Variants in DNAJC16 observed in about 807,000 individuals in gnomAD.
DNAJC16 encodes the protein DnaJ heat shock protein family (Hsp40) member C16, also known as dnaJ homolog subfamily C member 16.
Under a neutral mutation model 92.7 loss-of-function variants are expected in DNAJC16, and 76 were observed. The observed-to-expected ratio is 0.82, with a 90% CI of 0.68 to 0.99. The LOEUF is 0.99. Ranked by LOEUF, DNAJC16 falls within the 50% of genes least tolerant of loss-of-function variation. The probability of loss-of-function intolerance (pLI) is 0.00; values close to 1 mark genes in which losing one functional copy is unlikely to be tolerated. For synonymous variants in DNAJC16, 328 were observed against 358.7 expected (o/e 0.91, Z 0.97); for missense variants, 869 against 942.4 (o/e 0.92, Z 1.02).
intron 11 of DNAJC16, 101 bp downstream of exon 11, chr1:15,564,460 T>C: frequency 1.2e-6 from 1 of 808,848 alleles, no homozygotes; most frequent in Non-Finnish European, 2.2e-6. Flanking sequence ...CAAGGTACAC[T>C]TGATGGGGCA....
intron 1 of DNAJC16, among the ~76,000 whole-genome samples, chr1:15,528,708 A>G (rs185457529): frequency 6.6e-6 from 1 of 152,260 alleles, no homozygotes; most frequent in East Asian, 1.9e-4. Flanking sequence ...CATTTATTTT[A>G]TTTATTCTTA....
intron 2 of DNAJC16, among the ~76,000 whole-genome samples, chr1:15,530,089 C>G (rs2103400696): frequency 6.6e-6 from 1 of 150,994 alleles, no homozygotes; most frequent in East Asian, 1.9e-4. Context: ...GATGTGAAAC[C>G]AACAGATATA....
intron 7 of DNAJC16, 135 bp from the exon 8 acceptor site, chr1:15,559,391 C>A: frequency 8.6e-7 from 1 of 1,161,792 alleles, no homozygotes; most frequent in Non-Finnish European, 1.2e-6. Context: ...TTCGCTCAAA[C>A]AGGTCTGTCT....
Position 15,534,296 on chromosome 1 carries a change from C to T in DNAJC16, c.227C>T (p.Ala76Val), listed in dbSNP as rs1419857728. ...GACAAGTTCATTCAAATCAGTAAGG[C>T]TTACGAGGTATCGTGTCCAGCTTTG... ...AEDKFIQISK[A>V]YEILSNEEKR... The change falls in exon 3 of 15, where the codon GCT becomes GTT. Residue 76 changes from alanine to valine, a missense_variant. By Grantham distance (64) the Ala-to-Val change is moderately conservative. Transcript: ENST00000375847. 6.2e-7 allele frequency: 1 copy of T among 1,614,064 alleles called. No homozygotes were observed. Among genetic ancestry groups the T allele is most frequent in the Non-Finnish European group, 8.5e-7 (1 of 1,179,972 alleles).
At chr1:15,548,533 C>A in intron 7 of DNAJC16, 105 bp downstream of exon 7, 1 of 1,132,094 alleles carries the variant, frequency 8.8e-7, no homozygotes, top group South Asian at 2.3e-5. Flanking sequence ...AAGGATCTTC[C>A]TTCAGATGCA....
chr1:15,527,463 C>T (rs374655268), intron 1 of DNAJC16, among the ~76,000 whole-genome samples: 1 of 152,116 alleles, frequency 6.6e-6, no homozygotes, highest in Non-Finnish European at 1.5e-5. Context: ...GCATTTAGTC[C>T]CCACATGATG....
intron 2 of DNAJC16, among the ~76,000 whole-genome samples, chr1:15,531,466 C>T (rs963073989): frequency 6.6e-6 from 1 of 152,182 alleles, no homozygotes; most frequent in African/African-American, 2.4e-5. Context: ...CAGACTCTTG[C>T]CTCTTTATGT....
At chr1:15,530,888 A>G (rs1212833669) in intron 2 of DNAJC16, among the ~76,000 whole-genome samples, 3 of 152,176 alleles carry the variant, frequency 2.0e-5, no homozygotes, top group Non-Finnish European at 4.4e-5. Context: ...GGGTTTTGCC[A>G]TATTGGCCAG....
Position 15,546,788 on chromosome 1 carries a change from A to G in DNAJC16, c.781A>G (p.Arg261Gly). The G allele has an allele frequency of 6.2e-7, 1 of 1,612,658 alleles. No homozygotes were observed. Among genetic ancestry groups the G allele is most frequent in the South Asian group, 1.1e-5 (1 of 90,538 alleles). ...TAAGGTTACAAATAAAAATTACGTC[A>G]GATTCCTCTCTGGCTGGCAGCAAGA... The part of the protein sequence containing the change: ...VEKVTNKNYV[R>G]FLSGWQQENK... Residue 261 changes from arginine (R) to glycine (G), a missense_variant, in exon 6 of 15, where the codon AGA (arginine) becomes GGA (glycine). Physicochemically the swap from Arg to Gly is moderately radical, Grantham distance 125. Coordinates refer to ENST00000375847, the MANE Select transcript of DNAJC16 (RefSeq NM_015291.4).
Position 15,571,105 on chromosome 1 carries a change from G to C in DNAJC16, c.*2928G>C, listed in dbSNP as rs1557593226. The C allele has an allele frequency of 6.6e-6, 1 of 152,144 alleles. No homozygotes were observed. Among genetic ancestry groups the C allele is most frequent in the African/African-American group, 2.4e-5 (1 of 41,436 alleles). The allele number at this position is 152,144 out of a possible 1,614,324, so 9.4% of individuals were successfully genotyped here. On this transcript the variant is annotated 3_prime_UTR_variant, in exon 15 of 15. Transcript: ENST00000375847. Reference sequence around the variant, plus strand: ...CCAACTAAACAACATTTCAGTGGGTGAGGCTGCCCTAACTTCCATTAGGGG... The same window carrying C: ...CCAACTAAACAACATTTCAGTGGGTCAGGCTGCCCTAACTTCCATTAGGGG...
chr1:15,546,915 C>CTTTTTTTTTTTTTTTT (rs76961003), intron 6 of DNAJC16, 44 bp downstream of exon 6: 141 of 907,262 alleles, frequency 1.6e-4, no homozygotes, highest in South Asian at 6.2e-4. Context: ...CTTTTCTTTT[C>CTTTTTTTTTTTTTTTT]TTTTTTTTTT....
At chr1:15,552,061 A>G (rs1253664036) in intron 7 of DNAJC16, among the ~76,000 whole-genome samples, 1 of 151,592 alleles carries the variant, frequency 6.6e-6, no homozygotes, top group East Asian at 2.0e-4. Flanking sequence ...TTTGAGAGAC[A>G]GGGTCTCACT....
In DNAJC16 at chr1:15,565,898, AGTTT is replaced by A; in HGVS notation, c.1599-17_1599-14del. On this transcript the variant is annotated splice_polypyrimidine_tract_variant and intron_variant, in intron 11 of 14. Coordinates refer to ENST00000375847, the MANE Select transcript of DNAJC16 (RefSeq NM_015291.4). Reference sequence around the variant, plus strand: ...AGAAGAAATTTTAACTTGAGCTAATAGTTTGTTAATTTGGTTTTAGGAGGGAAAT... The same window carrying A: ...AGAAGAAATTTTAACTTGAGCTAATAGTTAATTTGGTTTTAGGAGGGAAAT... The A allele has an allele frequency of 6.2e-7, 1 of 1,606,724 alleles. No individual in the cohort carries two copies. The highest frequency in any genetic ancestry group is 8.5e-7 in the Non-Finnish European group (1 of 1,175,732).
intron 7 of DNAJC16, among the ~76,000 whole-genome samples, chr1:15,555,156 G>T (rs548596593): frequency 4.6e-4 from 69 of 150,452 alleles, no homozygotes; most frequent in Non-Finnish European, 8.4e-4. Flanking sequence ...CAGGTGGATT[G>T]CCTGAGACCA....
intron 1 of DNAJC16, among the ~76,000 whole-genome samples, chr1:15,527,695 C>A (rs1488768289): frequency 6.6e-6 from 1 of 152,140 alleles, no homozygotes; most frequent in Non-Finnish European, 1.5e-5. Context: ...TTATTCAGCA[C>A]GTATGCAATT....
chr1:15,534,396 T>G (rs952340783), intron 3 of DNAJC16, 93 bp downstream of exon 3: 1 of 1,286,474 alleles, frequency 7.8e-7, no homozygotes, highest in African/African-American at 1.5e-5. Context: ...AAAGGTCATG[T>G]TCCCCATGCC....
chr1:15,553,065 C>T (rs542793784), intron 7 of DNAJC16, among the ~76,000 whole-genome samples: 23 of 150,950 alleles, frequency 1.5e-4, no homozygotes, highest in African/African-American at 4.4e-4. Context: ...CCACCGCGCC[C>T]GGCCTGTCTA....
intron 1 of DNAJC16, among the ~76,000 whole-genome samples, chr1:15,527,284 C>T (rs1210840704): frequency 1.3e-5 from 2 of 152,220 alleles, no homozygotes; most frequent in Non-Finnish European, 2.9e-5. Flanking sequence ...TCGGCGCCGT[C>T]TATCTCGCAT....
intron 4 of DNAJC16, 76 bp downstream of exon 4, chr1:15,536,890 G>A: frequency 3.8e-6 from 5 of 1,321,846 alleles, no homozygotes; most frequent in Non-Finnish European, 4.1e-6. Context: ...TTGCTCTGTT[G>A]CCCAGGCTGG....
Sources: gnomAD v4.1 joint callset for allele counts (sites outside exome capture counted in the v4.1 genomes callset) on GRCh38, gnomAD v4.1.1 for gene constraint, MANE v1.5 for transcripts, NCBI Gene and HGNC (gene_info 2026-07-23, HGNC 2026-07-21) for gene names.